DNMBP: variants seen among roughly 807,000 people sequenced by gnomAD.
DNMBP encodes the protein dynamin-binding protein.
A neutral mutation model predicts 150.0 loss-of-function variants in DNMBP; 87 were observed. The observed-to-expected ratio is 0.58, with a 90% CI of 0.49 to 0.69. The LOEUF (loss-of-function observed/expected upper bound fraction) is 0.69, where lower values mean the gene tolerates loss of function less well. Among genes scored for constraint, DNMBP ranks in the 30% least tolerant of loss-of-function variants. The pLI is 0.00. For synonymous variants in DNMBP, 711 were observed against 750.4 expected, an observed-to-expected ratio of 0.95 and a Z score of 0.86; for missense variants, 1,774 against 1,949.0, an observed-to-expected ratio of 0.91 and a Z score of 1.69.
intron 4 of DNMBP, among the ~76,000 whole-genome samples, chr10:99,927,610 G>A (rs1257669617): frequency 3.3e-5 from 5 of 152,166 alleles, no homozygotes; most frequent in African/African-American, 7.2e-5. Flanking sequence ...GGGCAATGGC[G>A]TGAGAGAGCT....
intron 4 of DNMBP, among the ~76,000 whole-genome samples, chr10:99,939,300 G>T (rs896772573): frequency 1.3e-5 from 2 of 152,096 alleles, no homozygotes; most frequent in Non-Finnish European, 2.9e-5. Context: ...TATCTCTCTT[G>T]GCTAACCTAT....
intron 3 of DNMBP, among the ~76,000 whole-genome samples, chr10:99,962,984 A>C (rs1021591646): frequency 2.2e-4 from 33 of 152,212 alleles, no homozygotes; most frequent in Non-Finnish European, 3.8e-4. Context: ...GTAAAGGTGA[A>C]TCTTGAAAAA....
Position 99,898,778 on chromosome 10 carries a change from TGAAAA to T in DNMBP, c.2703-23_2703-19del. The stretch of plus-strand genomic sequence containing the variant: ...ATAGGCTCCTGCAAGGCAGTGGGCA[TGAAAA>T]GAAAAGAGACAGTTTATTAGAGAGA... On this transcript the variant is annotated intron_variant, in intron 7 of 16. Coordinates refer to ENST00000324109, the MANE Select transcript of DNMBP (RefSeq NM_015221.4). 1 of 1,612,040 alleles carries T rather than the reference TGAAAA, an allele frequency of 6.2e-7. No homozygotes were observed. The highest frequency in any genetic ancestry group is 1.1e-5 in the South Asian group (1 of 90,982).
intron 4 of DNMBP, among the ~76,000 whole-genome samples, chr10:99,953,501 C>CTAATGTG (rs1173879966): frequency 6.6e-6 from 1 of 152,012 alleles, no homozygotes; most frequent in Non-Finnish European, 1.5e-5. Flanking sequence ...CACATGCTTA[C>CTAATGTG]TAATATGGTA....
rs751589220 is a variant in DNMBP, at chr10:99,954,744, CAAAAAAAAAA to C, written c.2260+460_2260+469del. Among the ~76,000 whole-genome samples the C allele has an allele frequency of 8.2e-5, 4 of 48,816 alleles. No individual in the cohort carries two copies. The East Asian group carries it at 2.0e-3, about 25-fold the overall frequency. The allele number at this position is 48,816 out of a possible 152,430, so 32.0% of individuals were successfully genotyped here. ...GGGCAACAAGAGCGAAACTCTGTCT[CAAAAAAAAAA>C]AAAAAAAAAAAAGAGGCCGGGCGTG... On this transcript the variant is annotated intron_variant, in intron 4 of 16. Coordinates refer to ENST00000324109, the MANE Select transcript of DNMBP (RefSeq NM_015221.4).
intron 11 of DNMBP, among the ~76,000 whole-genome samples, chr10:99,891,625 T>C: frequency 6.9e-6 from 1 of 145,602 alleles, no homozygotes; most frequent in East Asian, 2.1e-4. Flanking sequence ...TGTCTCTGCC[T>C]GGCCGCCCAT....
At chr10:99,911,503 T>C (rs2039898671) in intron 4 of DNMBP, among the ~76,000 whole-genome samples, 1 of 151,984 alleles carries the variant, frequency 6.6e-6, no homozygotes, top group Non-Finnish European at 1.5e-5. Flanking sequence ...TCCATGTTCA[T>C]ACAAAATACA....
At position 99,900,087 on chromosome 10, in the gene DNMBP, T is replaced by A. The variant is rs372233560; in HGVS notation, c.2555-21A>T. On this transcript the variant is annotated intron_variant, in intron 6 of 16. Coordinates refer to ENST00000324109, the MANE Select transcript of DNMBP (RefSeq NM_015221.4). ...AGGTCCTTTGGAATACACACAAACA[T>A]ACAGTGTTTTTAGTAAACTTTCTTC... 51 of 1,613,250 alleles carry A rather than the reference T, an allele frequency of 3.2e-5. No individual in the cohort carries two copies. The Middle Eastern group carries it at 1.6e-3, about 52-fold the overall frequency.
intron 4 of DNMBP, among the ~76,000 whole-genome samples, chr10:99,910,148 A>T (rs559265503): frequency 5.3e-5 from 8 of 152,378 alleles, no homozygotes; most frequent in Non-Finnish European, 1.0e-4. Context: ...ACCCAGGTTT[A>T]AGAAGCAAAA....
chr10:99,951,134 A>C (rs1003410337), intron 4 of DNMBP, among the ~76,000 whole-genome samples: 1 of 152,226 alleles, frequency 6.6e-6, no homozygotes, highest in Non-Finnish European at 1.5e-5. Context: ...CCATGGCTTC[A>C]GAGGGTGCAA....
intron 2 of DNMBP, 63 bp from the exon 3 acceptor site, chr10:99,969,300 A>C: frequency 6.3e-7 from 1 of 1,587,404 alleles, no homozygotes; most frequent in South Asian, 1.1e-5. Context: ...TCTGTGTACA[A>C]GGACAAAAAC....
chr10:99,992,815 C>T (rs183015178), intron 1 of DNMBP, among the ~76,000 whole-genome samples: 5 of 152,104 alleles, frequency 3.3e-5, no homozygotes, highest in East Asian at 3.9e-4. Flanking sequence ...CATAAGACAC[C>T]GCATCCGGCC....
intron 3 of DNMBP, among the ~76,000 whole-genome samples, chr10:99,962,036 C>T (rs2040570367): frequency 6.6e-6 from 1 of 151,100 alleles, no homozygotes; most frequent in African/African-American, 2.4e-5. Flanking sequence ...TCCAGTTACA[C>T]TGTCTCTCCA....
intron 8 of DNMBP, 78 bp downstream of exon 8, chr10:99,898,665 A>C: frequency 6.7e-7 from 1 of 1,493,822 alleles, no homozygotes; most frequent in Non-Finnish European, 9.3e-7. Context: ...AAAGGAAGAA[A>C]ATACAGTTGC....
chr10:99,900,107 T>G, intron 6 of DNMBP, 41 bp from the exon 7 acceptor site: 1 of 1,610,106 alleles, frequency 6.2e-7, no homozygotes, highest in African/African-American at 1.3e-5. Flanking sequence ...TTAGTAAACT[T>G]TCTTCTCAGT....
intron 1 of DNMBP, among the ~76,000 whole-genome samples, chr10:99,973,850 G>A (rs563213078): frequency 2.0e-5 from 3 of 152,236 alleles, no homozygotes; most frequent in East Asian, 1.9e-4. Flanking sequence ...GCACAGTGGC[G>A]GGTGCCTGTA....
chr10:99,960,481 TATGCTCTTGATTTTTAC>T (rs1332878913), intron 3 of DNMBP, among the ~76,000 whole-genome samples: 2 of 152,142 alleles, frequency 1.3e-5, no homozygotes, highest in Non-Finnish European at 2.9e-5. Context: ...GGTTATCTTT[TATGCTCTTGATTTTTAC>T]ATGCTCTTGA....
intron 6 of DNMBP, among the ~76,000 whole-genome samples, chr10:99,907,312 T>G (rs78987253): frequency 6.6e-6 from 1 of 151,084 alleles, no homozygotes; most frequent in African/African-American, 2.4e-5. Flanking sequence ...TGGGCGACAG[T>G]GTAAAAATCC....
intron 5 of DNMBP, 83 bp from the exon 6 acceptor site, chr10:99,908,177 A>G (rs1269219171): frequency 2.9e-6 from 3 of 1,018,766 alleles, no homozygotes; most frequent in Non-Finnish European, 4.5e-6. Flanking sequence ...CTCTTCAAGA[A>G]TTGTAGAAAA....
Sources: allele counts gnomAD v4.1 joint callset (sites outside exome capture counted in the v4.1 genomes callset), GRCh38; gene constraint gnomAD v4.1.1; transcripts MANE v1.5; gene names NCBI Gene and HGNC (gene_info 2026-07-23, HGNC 2026-07-21).